CHRNA7: variants seen among roughly 807,000 people sequenced by gnomAD.
The protein encoded by CHRNA7 is neuronal acetylcholine receptor subunit alpha-7.
In CHRNA7, 17 loss-of-function variants were observed where a neutral mutation model predicts 48.0. The ratio of observed to expected loss-of-function variants is 0.35; its 90% CI spans 0.24 to 0.53. The LOEUF (loss-of-function observed/expected upper bound fraction) is 0.53, where lower values mean the gene tolerates loss of function less well. Among genes scored for constraint, CHRNA7 ranks in the 20% least tolerant of loss-of-function variants. The pLI is 0.92. For synonymous variants in CHRNA7, 75 were observed against 242.3 expected (o/e 0.31, Z 6.41); for missense variants, 155 against 577.7 (o/e 0.27, Z 7.50).
At chr15:32,150,632 T>G (rs927460977) in intron 4 of CHRNA7, among the ~76,000 whole-genome samples, 1 of 152,214 alleles carries the variant, frequency 6.6e-6, no homozygotes, top group African/African-American at 2.4e-5. Flanking sequence ...AGTTAAAATT[T>G]TGTTAATAGT....
chr15:32,106,243 A>G (rs1339849475), intron 3 of CHRNA7, among the ~76,000 whole-genome samples: 2 of 152,202 alleles, frequency 1.3e-5, no homozygotes, highest in Admixed American at 6.5e-5. Context: ...GGCTCTAGCA[A>G]TGGGTTTTTC....
intron 2 of CHRNA7, among the ~76,000 whole-genome samples, chr15:32,039,398 G>T (rs188378356): frequency 1.3e-5 from 2 of 151,960 alleles, no homozygotes; most frequent in Admixed American, 1.3e-4. Flanking sequence ...TGTATTCAGG[G>T]CTATAGATTT....
intron 2 of CHRNA7, among the ~76,000 whole-genome samples, chr15:32,039,063 G>A (rs377503545): frequency 6.6e-6 from 1 of 152,108 alleles, no homozygotes; most frequent in African/African-American, 2.4e-5. Flanking sequence ...ATTGTTCATA[G>A]TATTTATTTG....
At position 32,052,683 on chromosome 15, in the gene CHRNA7, C is replaced by G. The variant is rs528316544; in HGVS notation, c.195+21646C>G. 3.3e-5 allele frequency among the ~76,000 whole-genome samples: 5 copies of G among 152,130 alleles called. No homozygotes were observed. In the South Asian group the frequency reaches 1.0e-3, roughly 32 times the overall value. On this transcript the variant is annotated intron_variant, in intron 2 of 9. Transcript: ENST00000306901. ...GGCAGAGGTTGCAGTGAGCCGAGATCGCGCCACTGCACTCCAGCCTGGTGA... is the reference window on the plus strand; with the variant it reads ...GGCAGAGGTTGCAGTGAGCCGAGATGGCGCCACTGCACTCCAGCCTGGTGA...
chr15:32,044,631 G>A (rs2049508372), intron 2 of CHRNA7, among the ~76,000 whole-genome samples: 1 of 152,132 alleles, frequency 6.6e-6, no homozygotes, highest in African/African-American at 2.4e-5. Context: ...CCCTTTTTGG[G>A]ACAATGATTA....
intron 2 of CHRNA7, among the ~76,000 whole-genome samples, chr15:32,070,800 C>T (rs532021613): frequency 4.1e-4 from 61 of 150,146 alleles, no homozygotes; most frequent in Non-Finnish European, 6.8e-4. Flanking sequence ...CATTCTCCTG[C>T]CTCAGCCTCC....
At chr15:32,091,339 T>C (rs2050378546) in intron 2 of CHRNA7, among the ~76,000 whole-genome samples, 1 of 152,190 alleles carries the variant, frequency 6.6e-6, no homozygotes, top group African/African-American at 2.4e-5. Flanking sequence ...AACAATTTTT[T>C]ATTATTATTT....
intron 2 of CHRNA7, among the ~76,000 whole-genome samples, chr15:32,050,551 A>G (rs1246999149): frequency 6.6e-6 from 1 of 151,912 alleles, no homozygotes; most frequent in African/African-American, 2.4e-5. Context: ...ATTCGTCTAA[A>G]TTTTTTTCAA....
intron 2 of CHRNA7, among the ~76,000 whole-genome samples, chr15:32,058,730 G>C (rs1272192208): frequency 6.6e-6 from 1 of 152,142 alleles, no homozygotes; most frequent in East Asian, 1.9e-4. Flanking sequence ...AATCTGGAAA[G>C]GGCTGTGGGG....
chr15:32,061,915 A>C (rs760710612), intron 2 of CHRNA7, among the ~76,000 whole-genome samples: 2 of 152,216 alleles, frequency 1.3e-5, no homozygotes, highest in Non-Finnish European at 2.9e-5. Context: ...CACCTCTTAC[A>C]TTCTGTTCTT....
chr15:32,119,215 C>T (rs1224496798), intron 4 of CHRNA7, among the ~76,000 whole-genome samples: 1 of 152,134 alleles, frequency 6.6e-6, no homozygotes, highest in Non-Finnish European at 1.5e-5. Context: ...GACCAATTCC[C>T]CTGTTGACAG....
intron 2 of CHRNA7, among the ~76,000 whole-genome samples, chr15:32,096,767 A>G (rs1001108867): frequency 4.6e-5 from 7 of 152,258 alleles, no homozygotes; most frequent in Admixed American, 3.9e-4. Context: ...CGACAGTTGT[A>G]CTCTAAACCA....
intron 2 of CHRNA7, among the ~76,000 whole-genome samples, chr15:32,088,072 G>A (rs1479190880): frequency 6.6e-6 from 1 of 152,122 alleles, no homozygotes; most frequent in African/African-American, 2.4e-5. Context: ...CTCTGCCCTA[G>A]AAGTACTCTG....
At chr15:32,154,809 A>G (rs73369079) in intron 5 of CHRNA7, among the ~76,000 whole-genome samples, 19,842 of 125,420 alleles carry the variant, frequency 0.16, 21 homozygotes, top group Non-Finnish European at 0.19. Context: ...CACACCACTC[A>G]CAACCACTCA....
chr15:32,107,491 T>G (rs889470710), intron 3 of CHRNA7, among the ~76,000 whole-genome samples: 6 of 150,730 alleles, frequency 4.0e-5, no homozygotes, highest in Non-Finnish European at 7.4e-5. Context: ...ATATTTAATA[T>G]CTACTTATAT....
chr15:32,112,439 C>A, intron 4 of CHRNA7: 1 of 439,514 alleles, frequency 2.3e-6, no homozygotes. Flanking sequence ...TTCTAATAGT[C>A]TTTCTCCTGA....
chr15:32,125,247 A>G (rs541741754), intron 4 of CHRNA7, among the ~76,000 whole-genome samples: 1 of 152,380 alleles, frequency 6.6e-6, no homozygotes, highest in South Asian at 2.1e-4. Context: ...AATGGAAAGA[A>G]CAGACCTCAT....
At chr15:32,060,219 G>A (rs766309438) in intron 2 of CHRNA7, among the ~76,000 whole-genome samples, 2 of 152,058 alleles carry the variant, frequency 1.3e-5, no homozygotes, top group African/African-American at 2.4e-5. Flanking sequence ...CTCTACAAAC[G>A]GTCCTGGAGG....
At chr15:32,087,433 T>C (rs535017504) in intron 2 of CHRNA7, among the ~76,000 whole-genome samples, 1 of 152,304 alleles carries the variant, frequency 6.6e-6, no homozygotes, top group South Asian at 2.1e-4. Flanking sequence ...AAATCCTGGT[T>C]CCTTGTATTG....
Sources: gnomAD v4.1 joint callset for allele counts (sites outside exome capture counted in the v4.1 genomes callset) on GRCh38, gnomAD v4.1.1 for gene constraint, MANE v1.5 for transcripts, NCBI Gene and HGNC (gene_info 2026-07-23, HGNC 2026-07-21) for gene names.